The following MYO1D variants were observed in gnomAD, a reference collection of about 807,000 sequenced individuals.
MYO1D encodes the protein myosin ID.
In MYO1D, 83 loss-of-function variants were observed where a neutral mutation model predicts 122.0. The ratio of observed to expected loss-of-function variants is 0.68; its 90% confidence interval spans 0.57 to 0.82. The LOEUF is 0.82. MYO1D is among the 40% of genes least tolerant of loss of function. The pLI is 0.00. For synonymous variants in MYO1D, 464 were observed against 446.9 expected (o/e 1.04, Z -0.48); for missense variants, 1,157 against 1,269.5 (o/e 0.91, Z 1.35).
At chr17:32,873,803 G>C (rs149535308) in intron 1 of MYO1D, among the ~76,000 whole-genome samples, 209 of 152,298 alleles carry the variant, frequency 1.4e-3, no homozygotes, top group African/African-American at 4.8e-3. Flanking sequence ...AGGACACACA[G>C]ATGAGATACA....
chr17:32,597,220 T>C (rs2087503160), intron 21 of MYO1D, among the ~76,000 whole-genome samples: 1 of 152,122 alleles, frequency 6.6e-6, no homozygotes, highest in Non-Finnish European at 1.5e-5. Flanking sequence ...AAATTTTAGA[T>C]CAGTAACACA....
At chr17:32,719,178 T>C (rs2089480335) in intron 15 of MYO1D, among the ~76,000 whole-genome samples, 1 of 152,194 alleles carries the variant, frequency 6.6e-6, no homozygotes, top group South Asian at 2.1e-4. Context: ...CATTCCTCTT[T>C]ATTCCTATTT....
rs146575654 is a variant in MYO1D, at chr17:32,584,798, T to C, written c.2864+20289A>G. 1.5e-3 allele frequency among the ~76,000 whole-genome samples: 236 copies of C among 152,330 alleles called. 1 individual carries two copies. The highest frequency in any genetic ancestry group is 5.4e-3 in the African/African-American group (224 of 41,568). On this transcript the variant is annotated intron_variant, in intron 21 of 21. Coordinates refer to ENST00000318217, the MANE Select transcript of MYO1D (RefSeq NM_015194.3). ...TAGCACCTGGCCCAGAACTTTTTCATCTTGCAAAAAGAAATACATATTTTA... is the reference window on the plus strand; with the variant it reads ...TAGCACCTGGCCCAGAACTTTTTCACCTTGCAAAAAGAAATACATATTTTA...
intron 21 of MYO1D, among the ~76,000 whole-genome samples, chr17:32,513,504 C>T (rs901800991): frequency 1.3e-5 from 2 of 152,152 alleles, no homozygotes; most frequent in African/African-American, 4.8e-5. Flanking sequence ...CAAAGGGTTT[C>T]ACTATATACC....
At chr17:32,761,552 T>A (rs777212835) in intron 8 of MYO1D, among the ~76,000 whole-genome samples, 1 of 152,230 alleles carries the variant, frequency 6.6e-6, no homozygotes, top group Non-Finnish European at 1.5e-5. Flanking sequence ...TCTCCTCTTC[T>A]ACCTGACTTG....
chr17:32,764,182 T>C (rs527507171), intron 8 of MYO1D, among the ~76,000 whole-genome samples: 3 of 152,112 alleles, frequency 2.0e-5, no homozygotes, highest in South Asian at 2.1e-4. Context: ...AAAAGACAAA[T>C]ATTGTGTGAT....
chr17:32,772,642 G>A, intron 5 of MYO1D, 147 bp downstream of exon 5: 2 of 617,918 alleles, frequency 3.2e-6, no homozygotes, highest in Non-Finnish European at 5.9e-6. Context: ...AGGGCATGTG[G>A]TGCGTGCGTG....
chr17:32,834,033 C>T (rs1567664371), intron 1 of MYO1D, among the ~76,000 whole-genome samples: 1 of 152,176 alleles, frequency 6.6e-6, no homozygotes, highest in Non-Finnish European at 1.5e-5. Flanking sequence ...AATTAAAACT[C>T]CATGAAGGCT....
intron 1 of MYO1D, among the ~76,000 whole-genome samples, chr17:32,835,834 C>A (rs1449118116): frequency 6.6e-6 from 1 of 152,098 alleles, no homozygotes; most frequent in Non-Finnish European, 1.5e-5. Context: ...ATATTAATTC[C>A]TTTGTTGTAG....
intron 20 of MYO1D, among the ~76,000 whole-genome samples, chr17:32,627,010 T>A (rs2087936607): frequency 6.6e-6 from 1 of 152,226 alleles, no homozygotes; most frequent in African/African-American, 2.4e-5. Flanking sequence ...ACATTACTTT[T>A]TTTCTAAGAA....
intron 1 of MYO1D, among the ~76,000 whole-genome samples, chr17:32,847,792 G>C (rs1206012902): frequency 6.6e-6 from 1 of 152,168 alleles, no homozygotes; most frequent in Non-Finnish European, 1.5e-5. Context: ...TGAGATTACA[G>C]TCATGAGCCA....
At chr17:32,625,927 A>G (rs1318325963) in intron 20 of MYO1D, among the ~76,000 whole-genome samples, 2 of 152,214 alleles carry the variant, frequency 1.3e-5, no homozygotes, top group African/African-American at 4.8e-5. Context: ...ACTTGGGATT[A>G]GGGGCTAGGT....
chr17:32,561,677 A>G (rs369423733), intron 21 of MYO1D, among the ~76,000 whole-genome samples: 1,398 of 130,786 alleles, frequency 0.011, 29 homozygotes, highest in African/African-American at 0.04. Flanking sequence ...AGACAGAGGG[A>G]GGCTCTGTCT....
intron 21 of MYO1D, among the ~76,000 whole-genome samples, chr17:32,500,605 C>T (rs1371811108): frequency 3.3e-5 from 5 of 152,082 alleles, no homozygotes; most frequent in Admixed American, 1.3e-4. Context: ...AGCTCACCAC[C>T]GAACAACAAG....
intron 1 of MYO1D, among the ~76,000 whole-genome samples, chr17:32,810,534 A>G (rs2090561534): frequency 6.6e-6 from 1 of 151,130 alleles, no homozygotes; most frequent in Non-Finnish European, 1.5e-5. Context: ...CTGGAGTGCA[A>G]TGGCGTGATC....
At chr17:32,691,667 A>G (rs2089103072) in intron 16 of MYO1D, among the ~76,000 whole-genome samples, 1 of 152,160 alleles carries the variant, frequency 6.6e-6, no homozygotes, top group Non-Finnish European at 1.5e-5. Context: ...TTGGTCTCCC[A>G]AAGTCTGGGA....
At chr17:32,664,643 G>A (rs923870909) in intron 16 of MYO1D, among the ~76,000 whole-genome samples, 31 of 152,106 alleles carry the variant, frequency 2.0e-4, no homozygotes, top group Non-Finnish European at 3.8e-4. Flanking sequence ...AGAGGATATC[G>A]GGTAGAGAGC....
intron 21 of MYO1D, among the ~76,000 whole-genome samples, chr17:32,584,053 C>A (rs1236269110): frequency 2.0e-5 from 3 of 152,212 alleles, no homozygotes; most frequent in Non-Finnish European, 4.4e-5. Context: ...ATCCCCCAGC[C>A]TCAGCCTCCC....
At chr17:32,598,300 T>A (rs2087521670) in intron 21 of MYO1D, among the ~76,000 whole-genome samples, 1 of 151,428 alleles carries the variant, frequency 6.6e-6, no homozygotes, top group South Asian at 2.1e-4. Flanking sequence ...CTTGAATACA[T>A]GAAGCGGAGG....
Sources: gnomAD v4.1 joint callset for allele counts (sites outside exome capture counted in the v4.1 genomes callset) on GRCh38, gnomAD v4.1.1 for gene constraint, MANE v1.5 for transcripts, NCBI Gene and HGNC (gene_info 2026-07-23, HGNC 2026-07-21) for gene names.